The following CDH23 variants were observed in gnomAD, a reference collection of about 807,000 sequenced individuals.
CDH23 encodes cadherin-23.
CDH23 carries 189 observed loss-of-function variants against 317.1 expected under a neutral mutation model. The ratio of observed to expected loss-of-function variants is 0.60; its 90% CI spans 0.53 to 0.67. The LOEUF (loss-of-function observed/expected upper bound fraction) is 0.67. Among genes scored for constraint, CDH23 ranks in the 30% least tolerant of loss-of-function variants. CDH23 has a pLI of 0.00. For synonymous variants in CDH23, 1,839 were observed against 1,876.8 expected (o/e 0.98, Z 0.52); for missense variants, 4,401 against 4,592.4 (o/e 0.96, Z 1.20).
intron 3 of CDH23, among the ~76,000 whole-genome samples, chr10:71,450,959 T>A (rs1850410584): frequency 6.6e-6 from 1 of 152,070 alleles, no homozygotes; most frequent in Non-Finnish European, 1.5e-5. Flanking sequence ...AAAGGGACAT[T>A]TTCATCCTCA....
chr10:71,740,796 G>A (rs1176902734), intron 36 of CDH23, 26 bp from the exon 37 acceptor site: 1 of 1,613,306 alleles, frequency 6.2e-7, no homozygotes, highest in Non-Finnish European at 8.5e-7. Context: ...CTTTAGCCCT[G>A]ACTCCAGTTG....
chr10:71,723,924 A>G, intron 28 of CDH23, 121 bp from the exon 29 acceptor site: 1 of 1,102,476 alleles, frequency 9.1e-7, no homozygotes, highest in Non-Finnish European at 1.3e-6. Context: ...CCTCTGAGGG[A>G]GACCACAGGT....
At chr10:71,789,687 G>A (rs972160118) in intron 45 of CDH23, among the ~76,000 whole-genome samples, 1 of 152,196 alleles carries the variant, frequency 6.6e-6, no homozygotes, top group Admixed American at 6.5e-5. Flanking sequence ...CCATACCAAG[G>A]CATGTGCGTG....
intron 3 of CDH23, among the ~76,000 whole-genome samples, chr10:71,450,836 C>A (rs948249242): frequency 4.6e-5 from 7 of 152,172 alleles, no homozygotes; most frequent in African/African-American, 1.7e-4. Flanking sequence ...CTGGCTTGGA[C>A]ACTACCTATA....
At chr10:71,523,527 G>T (rs150881440) in intron 6 of CDH23, among the ~76,000 whole-genome samples, 2 of 152,206 alleles carry the variant, frequency 1.3e-5, no homozygotes, top group East Asian at 3.9e-4. Flanking sequence ...AATGCCTAAA[G>T]TGTGCTGGCG....
At chr10:71,515,394 T>TCACACA (rs377079980) in intron 6 of CDH23, among the ~76,000 whole-genome samples, 49 of 26,594 alleles carry the variant, frequency 1.8e-3, no homozygotes, top group African/African-American at 3.8e-3. Flanking sequence ...TCTCTCTCTC[T>TCACACA]CACACACACA....
At chr10:71,634,526 G>A (rs1862169892) in intron 11 of CDH23, among the ~76,000 whole-genome samples, 1 of 152,224 alleles carries the variant, frequency 6.6e-6, no homozygotes. Flanking sequence ...TGGCCACTGG[G>A]GCTGGGAGGC....
intron 3 of CDH23, among the ~76,000 whole-genome samples, chr10:71,499,627 G>A (rs1001484789): frequency 7.3e-5 from 11 of 151,534 alleles, no homozygotes; most frequent in African/African-American, 1.9e-4. Flanking sequence ...ATCACTTGAG[G>A]TAGGGAGTTT....
chr10:71,440,062 C>T (rs910112180), intron 2 of CDH23, among the ~76,000 whole-genome samples, 164 bp downstream of exon 2: 2 of 152,204 alleles, frequency 1.3e-5, no homozygotes, highest in East Asian at 3.9e-4. Context: ...CCTCAGTTGC[C>T]TTCTGCAGCT....
At chr10:71,753,089 G>A (rs1840047240) in intron 38 of CDH23, 2 of 1,512,472 alleles carry the variant, frequency 1.3e-6, no homozygotes, top group Non-Finnish European at 1.8e-6. Flanking sequence ...ATGCCCTGCA[G>A]GGAACAGGAG....
intron 3 of CDH23, among the ~76,000 whole-genome samples, chr10:71,492,725 GTCAGAGTTCCTGCCT>G (rs1852732195): frequency 6.6e-6 from 1 of 151,932 alleles, no homozygotes; most frequent in African/African-American, 2.4e-5. Context: ...GAGAACACAG[GTCAGAGTTCCTGCCT>G]TCAGGGCGCT....
chr10:71,788,904 C>T (rs754934419), intron 44 of CDH23, 36 bp from the exon 45 acceptor site: 1 of 1,087,128 alleles, frequency 9.2e-7, no homozygotes, highest in South Asian at 1.2e-5. Flanking sequence ...CTTTGCTGAG[C>T]ATGGCCTACA....
chr10:71,753,691 C>G (rs972623256), intron 38 of CDH23: 1 of 448,758 alleles, frequency 2.2e-6, no homozygotes, highest in Non-Finnish European at 4.5e-6. Context: ...CCCAACTTCC[C>G]TCTTTCATGC....
chr10:71,576,743 G>A (rs941278378), intron 8 of CDH23, among the ~76,000 whole-genome samples: 2 of 152,184 alleles, frequency 1.3e-5, no homozygotes, highest in African/African-American at 4.8e-5. Context: ...GATAGGACCT[G>A]GGGAACCAAG....
chr10:71,763,064 G>T (rs538784212), intron 38 of CDH23, among the ~76,000 whole-genome samples: 2 of 152,310 alleles, frequency 1.3e-5, no homozygotes, highest in Middle Eastern at 3.4e-3. Flanking sequence ...ACAATGCAGG[G>T]TTGCAAAAGG....
intron 14 of CDH23, among the ~76,000 whole-genome samples, chr10:71,662,478 T>C (rs1392382305): frequency 1.3e-5 from 2 of 152,238 alleles, no homozygotes; most frequent in South Asian, 2.1e-4. Context: ...GTCAGACTTA[T>C]GACTTGTGGT....
chr10:71,649,499 G>A (rs984981530), intron 14 of CDH23, among the ~76,000 whole-genome samples: 1 of 152,190 alleles, frequency 6.6e-6, no homozygotes, highest in African/African-American at 2.4e-5. Context: ...GGGGAAGCTG[G>A]AATAGGAAGG....
intron 22 of CDH23, among the ~76,000 whole-genome samples, chr10:71,697,698 G>A (rs1418577340): frequency 6.6e-6 from 1 of 150,996 alleles, no homozygotes; most frequent in Non-Finnish European, 1.5e-5. Flanking sequence ...CTCCCGCCCT[G>A]CCTGCCTTTG....
Position 71,712,679 on chromosome 10 carries a change from G to A in CDH23, c.3235G>A (p.Gly1079Arg), listed in dbSNP as rs1388129661. The A allele has an allele frequency of 6.2e-7, 1 of 1,613,526 alleles. No homozygotes were observed. The highest frequency in any genetic ancestry group is 1.3e-5 in the African/African-American group (1 of 74,940). ...ILEAIDNGPVGKRHTGTATVF... is the reference protein window; with the variant it reads ...ILEAIDNGPVRKRHTGTATVF... ...AACTCCCACAGACAACGGCCCTGTA[G>A]GGAAGCGACACACGGGCACAGCCAC... Residue 1079 changes from glycine (G) to arginine (R), a missense_variant, in exon 28 of 70, where the codon GGG becomes AGG. By Grantham distance (125) the Gly-to-Arg change is moderately radical (BLOSUM62 -2). Around this residue, in one of 3 missense-constraint regions of CDH23, gnomAD observed 3,068 missense variants for 3,203.3 expected, o/e 0.96. Transcript: ENST00000224721.
Sources: gnomAD v4.1 joint callset for allele counts (sites outside exome capture counted in the v4.1 genomes callset) on GRCh38, gnomAD v4.1.1 for gene constraint, gnomAD v4.1.1 regional missense constraint, MANE v1.5 for transcripts, NCBI Gene and HGNC (gene_info 2026-07-23, HGNC 2026-07-21) for gene names.